The following HS6ST3 variants were observed in gnomAD, a reference collection of about 807,000 sequenced individuals.
HS6ST3 encodes the protein heparan-sulfate 6-O-sulfotransferase 3.
A neutral mutation model predicts 36.7 loss-of-function variants in HS6ST3; 12 were observed. The observed-to-expected ratio is 0.33, with a 90% CI of 0.21 to 0.53. The LOEUF is 0.53. Among genes scored for constraint, HS6ST3 ranks in the 20% least tolerant of loss-of-function variants. HS6ST3 has a pLI of 0.95. For synonymous variants in HS6ST3, 240 were observed against 257.5 expected, an observed-to-expected ratio of 0.93 and a Z score of 0.65; for missense variants, 584 against 640.9, an observed-to-expected ratio of 0.91 and a Z score of 0.96.
intron 1 of HS6ST3, among the ~76,000 whole-genome samples, chr13:96,532,490 A>G (rs1216878450): frequency 1.3e-5 from 2 of 152,206 alleles, no homozygotes; most frequent in Non-Finnish European, 2.9e-5. Flanking sequence ...GTTCACAAGG[A>G]GTAGGTGCAA....
intron 1 of HS6ST3, among the ~76,000 whole-genome samples, chr13:96,521,562 T>G (rs2056093664): frequency 6.6e-6 from 1 of 152,238 alleles, no homozygotes; most frequent in Admixed American, 6.5e-5. Flanking sequence ...ATTCAACTTC[T>G]TCCTGGTTTA....
chr13:96,345,033 A>C (rs2055146961), intron 1 of HS6ST3, among the ~76,000 whole-genome samples: 1 of 152,202 alleles, frequency 6.6e-6, no homozygotes, highest in African/African-American at 2.4e-5. Flanking sequence ...TTCATATGGA[A>C]GAAGCATTTG....
intron 1 of HS6ST3, among the ~76,000 whole-genome samples, chr13:96,531,091 T>C (rs1324149629): frequency 6.6e-6 from 1 of 152,164 alleles, no homozygotes; most frequent in Non-Finnish European, 1.5e-5. Flanking sequence ...CAATATATTC[T>C]AGCCATATCT....
rs538054013 is a variant in HS6ST3, at chr13:96,768,994, G to A, written c.708-63496G>A. ...GTTCCAGCTCTAACAAACTCTGGGA[G>A]GATTCTGATGTTGCTGGTCCATGAG... On this transcript the variant is annotated intron_variant, in intron 1 of 1. Transcript: ENST00000376705. Among the ~76,000 whole-genome samples, 30 of 152,236 alleles carry A rather than the reference G, an allele frequency of 2.0e-4. 1 individual carries two copies. In the South Asian group the frequency reaches 5.8e-3, roughly 29 times the overall value.
chr13:96,539,924 C>G lies in HS6ST3; in HGVS notation c.708-292566C>G, dbSNP rs138422165. Among the ~76,000 whole-genome samples, 69 of 152,274 alleles carry G rather than the reference C, an allele frequency of 4.5e-4. No homozygotes were observed. In the East Asian group the frequency reaches 0.013, roughly 28 times the overall value. Reference sequence around the variant, plus strand: ...AATGTGCCTGGTATTTTCCTGTAGCCCAGGGACTAAACATTCTCCATGTGA... The same window carrying G: ...AATGTGCCTGGTATTTTCCTGTAGCGCAGGGACTAAACATTCTCCATGTGA... On this transcript the variant is annotated intron_variant, in intron 1 of 1. Transcript: ENST00000376705.
chr13:96,631,240 A>T (rs1317158834), intron 1 of HS6ST3, among the ~76,000 whole-genome samples: 1 of 152,128 alleles, frequency 6.6e-6, no homozygotes, highest in Non-Finnish European at 1.5e-5. Context: ...AGCCTTTCAG[A>T]GTGGTTTTAT....
At chr13:96,224,162 A>G (rs956223596) in intron 1 of HS6ST3, among the ~76,000 whole-genome samples, 1 of 152,080 alleles carries the variant, frequency 6.6e-6, no homozygotes, top group Non-Finnish European at 1.5e-5. Context: ...CCGAGTCAGG[A>G]TATCAGCCTC....
At position 96,560,181 on chromosome 13, in the gene HS6ST3, G is replaced by A. The variant is rs528400943; in HGVS notation, c.708-272309G>A. Among the ~76,000 whole-genome samples, 18 of 152,308 alleles carry A rather than the reference G, an allele frequency of 1.2e-4. No individual in the cohort carries two copies. The South Asian group carries it at 2.9e-3, about 25-fold the overall frequency. ...GGCTTTGAGCGTGGGCCCCCTGAAT[G>A]TGCTTGTTTGGGTTCAAAGATGTAC... On this transcript the variant is annotated intron_variant, in intron 1 of 1. Transcript: ENST00000376705.
At chr13:96,615,438 T>G (rs2056470710) in intron 1 of HS6ST3, among the ~76,000 whole-genome samples, 1 of 152,168 alleles carries the variant, frequency 6.6e-6, no homozygotes, top group Non-Finnish European at 1.5e-5. Flanking sequence ...TCAGATGACA[T>G]GATGAGAGCA....
chr13:96,187,888 A>C (rs763542634), intron 1 of HS6ST3, among the ~76,000 whole-genome samples: 10 of 152,178 alleles, frequency 6.6e-5, no homozygotes, highest in Non-Finnish European at 8.8e-5. Context: ...TTGACAATGA[A>C]TGCCTTTAAA....
intron 1 of HS6ST3, among the ~76,000 whole-genome samples, chr13:96,470,393 A>G (rs936027343): frequency 8.5e-5 from 13 of 152,156 alleles, no homozygotes; most frequent in Non-Finnish European, 1.6e-4. Context: ...TTAAATTTGC[A>G]TATTCTGAAT....
intron 1 of HS6ST3, among the ~76,000 whole-genome samples, chr13:96,475,143 C>G (rs1345158897): frequency 6.6e-6 from 1 of 152,066 alleles, no homozygotes; most frequent in East Asian, 1.9e-4. Context: ...CTCTGATTCC[C>G]CAAACAAACA....
chr13:96,303,682 T>C (rs2054894505), intron 1 of HS6ST3, among the ~76,000 whole-genome samples: 1 of 152,192 alleles, frequency 6.6e-6, no homozygotes, highest in African/African-American at 2.4e-5. Context: ...TATCAAGGTC[T>C]ATAGGTATTT....
intron 1 of HS6ST3, among the ~76,000 whole-genome samples, chr13:96,541,733 T>A (rs1447897204): frequency 6.6e-6 from 1 of 152,212 alleles, no homozygotes; most frequent in Non-Finnish European, 1.5e-5. Context: ...ACTGATACTC[T>A]GTGACTTCAT....
At chr13:96,778,354 C>T (rs1158822374) in intron 1 of HS6ST3, among the ~76,000 whole-genome samples, 2 of 152,084 alleles carry the variant, frequency 1.3e-5, no homozygotes, top group African/African-American at 2.4e-5. Context: ...AGCTTCTGCA[C>T]AGCAAAAGAA....
chr13:96,235,879 A>C (rs1262702349), intron 1 of HS6ST3, among the ~76,000 whole-genome samples: 1 of 152,208 alleles, frequency 6.6e-6, no homozygotes, highest in African/African-American at 2.4e-5. Flanking sequence ...GGAGTTCATT[A>C]GGAGAATGGG....
At chr13:96,773,089 G>A (rs1245178481) in intron 1 of HS6ST3, among the ~76,000 whole-genome samples, 3 of 152,202 alleles carry the variant, frequency 2.0e-5, no homozygotes, top group East Asian at 3.9e-4. Flanking sequence ...CCTAGCCAAG[G>A]GAAGCCCTGA....
chr13:96,697,928 C>G (rs1391543965), intron 1 of HS6ST3, among the ~76,000 whole-genome samples: 1 of 152,108 alleles, frequency 6.6e-6, no homozygotes, highest in African/African-American at 2.4e-5. Flanking sequence ...TAATGGTTAT[C>G]TTTCGGTGGC....
intron 1 of HS6ST3, among the ~76,000 whole-genome samples, chr13:96,310,347 A>G (rs1311196815): frequency 6.6e-6 from 1 of 152,170 alleles, no homozygotes; most frequent in Non-Finnish European, 1.5e-5. Context: ...GTGTTGTGGG[A>G]CTTAATGCTT....
Sources: allele counts gnomAD v4.1 joint callset (sites outside exome capture counted in the v4.1 genomes callset), GRCh38; gene constraint gnomAD v4.1.1; transcripts MANE v1.5; gene names NCBI Gene and HGNC (gene_info 2026-07-23, HGNC 2026-07-21).